TAF4B: variants seen among roughly 807,000 people sequenced by gnomAD.
The protein encoded by TAF4B is transcription initiation factor TFIID subunit 4B.
TAF4B carries 38 observed loss-of-function variants against 86.4 expected under a neutral mutation model. The ratio of observed to expected loss-of-function variants is 0.44; its 90% confidence interval spans 0.34 to 0.58. TAF4B has a LOEUF of 0.58. Among genes scored for constraint, TAF4B ranks in the 20% least tolerant of loss-of-function variants. The pLI is 0.02. For synonymous variants in TAF4B, 388 were observed against 391.2 expected, an observed-to-expected ratio of 0.99 and a Z score of 0.10; for missense variants, 988 against 1,027.6, an observed-to-expected ratio of 0.96 and a Z score of 0.53.
chr18:26,261,243 G>T (rs1213873481), intron 1 of TAF4B, among the ~76,000 whole-genome samples: 1 of 136,354 alleles, frequency 7.3e-6, no homozygotes, highest in Non-Finnish European at 1.6e-5. Flanking sequence ...GTGCAGTGGC[G>T]GGATCTCGGC....
chr18:26,316,615 T>C (rs2056914710), intron 10 of TAF4B, among the ~76,000 whole-genome samples: 1 of 152,232 alleles, frequency 6.6e-6, no homozygotes, highest in Non-Finnish European at 1.5e-5. Context: ...TGTCTTGAGC[T>C]CTTCACCTCA....
rs914655036 is a variant in TAF4B, at chr18:26,334,956, G to A, written c.2260-219G>A. Among the ~76,000 whole-genome samples the A allele has an allele frequency of 5.3e-5, 8 of 152,086 alleles. No individual in the cohort carries two copies. The South Asian group carries it at 1.0e-3, about 20-fold the overall frequency. ...ACTGACATCGTTAGCATCATTTTCA[G>A]TATAAGCTTCCTCCAGGCTAGAACT... On this transcript the variant is annotated intron_variant, in intron 12 of 14. Transcript: ENST00000269142.
At chr18:26,312,973 T>C (rs1170021362) in intron 9 of TAF4B, among the ~76,000 whole-genome samples, 1 of 152,192 alleles carries the variant, frequency 6.6e-6, no homozygotes, top group Non-Finnish European at 1.5e-5. Flanking sequence ...AAGGGTATAA[T>C]TGGTATAAAG....
chr18:26,300,307 T>TTTATTATTATTATTATTATTA (rs57272091), intron 9 of TAF4B, among the ~76,000 whole-genome samples: 15 of 145,382 alleles, frequency 1.0e-4, no homozygotes, highest in African/African-American at 3.3e-4. Context: ...AATGTAGGCA[T>TTTATTATTATTATTATTATTA]TTATTATTAT....
chr18:26,239,696 T>C lies in TAF4B; in HGVS notation c.343+12420T>C, dbSNP rs1055409786. ...GTCCTGAATGGTATTGCCTAGGTTT[T>C]CTTCTAGAGTTTTCATGGTTTTAGG... On this transcript the variant is annotated intron_variant, in intron 1 of 14. Coordinates refer to ENST00000269142, the MANE Select transcript of TAF4B (RefSeq NM_005640.3). Among the ~76,000 whole-genome samples, 11 of 152,246 alleles carry C rather than the reference T, an allele frequency of 7.2e-5. No homozygotes were observed. The East Asian group carries it at 1.2e-3, about 16-fold the overall frequency.
chr18:26,240,517 A>T (rs1225212959), intron 1 of TAF4B, among the ~76,000 whole-genome samples: 2 of 152,242 alleles, frequency 1.3e-5, no homozygotes, highest in Non-Finnish European at 2.9e-5. Flanking sequence ...ATATACAATC[A>T]TGTCATCTGC....
chr18:26,277,903 A>G (rs994887606), intron 5 of TAF4B, among the ~76,000 whole-genome samples: 3 of 152,250 alleles, frequency 2.0e-5, no homozygotes, highest in African/African-American at 7.2e-5. Flanking sequence ...CCAGGAAGCT[A>G]TCAAGCTCAG....
intron 9 of TAF4B, among the ~76,000 whole-genome samples, chr18:26,299,847 A>G (rs1373975434): frequency 6.6e-6 from 1 of 152,102 alleles, no homozygotes; most frequent in Non-Finnish European, 1.5e-5. Context: ...ATGTGTATAG[A>G]TGCTTTAATG....
chr18:26,365,665 A>G (rs1044027187), intron 14 of TAF4B, among the ~76,000 whole-genome samples: 3 of 152,180 alleles, frequency 2.0e-5, no homozygotes, highest in African/African-American at 7.2e-5. Context: ...TTTCTACACT[A>G]TTGTCTTTCC....
At chr18:26,363,609 A>G (rs986893395) in intron 14 of TAF4B, among the ~76,000 whole-genome samples, 33 of 152,222 alleles carry the variant, frequency 2.2e-4, no homozygotes, top group African/African-American at 7.9e-4. Flanking sequence ...TTCAATGTTT[A>G]GGTATACTGC....
At chr18:26,260,229 G>T (rs553443026) in intron 1 of TAF4B, among the ~76,000 whole-genome samples, 2 of 152,270 alleles carry the variant, frequency 1.3e-5, no homozygotes, top group South Asian at 4.1e-4. Context: ...CATTCTGTAG[G>T]TTGCCTGTTC....
At chr18:26,267,221 GA>G (rs1306566295) in intron 2 of TAF4B, 1 of 210,838 alleles carries the variant, frequency 4.7e-6, no homozygotes, top group Non-Finnish European at 9.4e-6. Context: ...ATGAACCAAA[GA>G]GTCAAGATTA....
chr18:26,330,089 C>T (rs151166573), intron 12 of TAF4B, among the ~76,000 whole-genome samples: 1 of 152,284 alleles, frequency 6.6e-6, no homozygotes, highest in African/African-American at 2.4e-5. Context: ...TCCAATTCCT[C>T]ATCAAACCTC....
At chr18:26,276,056 T>C (rs1342393071) in intron 5 of TAF4B, among the ~76,000 whole-genome samples, 1 of 150,700 alleles carries the variant, frequency 6.6e-6, no homozygotes, top group South Asian at 2.1e-4. Flanking sequence ...AAAAGAATTA[T>C]GAAATCTCAG....
intron 14 of TAF4B, among the ~76,000 whole-genome samples, chr18:26,359,473 A>T (rs1295475738): frequency 1.3e-5 from 2 of 152,182 alleles, no homozygotes; most frequent in African/African-American, 2.4e-5. Flanking sequence ...ATCAACCCTC[A>T]TATGGTTGTG....
chr18:26,384,795 C>T (rs536425317), intron 14 of TAF4B, among the ~76,000 whole-genome samples: 1 of 152,278 alleles, frequency 6.6e-6, no homozygotes, highest in South Asian at 2.1e-4. Flanking sequence ...TTCAAACCAG[C>T]CATTTGAGAT....
At chr18:26,348,968 G>A (rs906487775) in intron 13 of TAF4B, 1 of 152,120 alleles carries the variant, frequency 6.6e-6, no homozygotes, top group Non-Finnish European at 1.5e-5. Flanking sequence ...AATATATGTG[G>A]CAGTGGCTTC....
At chr18:26,327,182 T>G (rs2057011385) in intron 12 of TAF4B, 42 bp downstream of exon 12, 2 of 1,596,762 alleles carry the variant, frequency 1.3e-6, no homozygotes, top group Non-Finnish European at 1.7e-6. Flanking sequence ...GGCCTGGCAG[T>G]GTGGTCAGAG....
intron 12 of TAF4B, among the ~76,000 whole-genome samples, chr18:26,332,535 G>A (rs1210557453): frequency 2.6e-5 from 4 of 152,002 alleles, no homozygotes; most frequent in African/African-American, 9.7e-5. Flanking sequence ...GATTTTTGTT[G>A]TTGTTATTGT....
Sources: gnomAD v4.1 joint callset for allele counts (sites outside exome capture counted in the v4.1 genomes callset) on GRCh38, gnomAD v4.1.1 for gene constraint, MANE v1.5 for transcripts, NCBI Gene and HGNC (gene_info 2026-07-23, HGNC 2026-07-21) for gene names.